MYT1L: variants seen among roughly 807,000 people sequenced by gnomAD.
The protein encoded by MYT1L is myelin transcription factor 1 like, also known as myelin transcription factor 1-like protein.
A neutral mutation model predicts 126.7 loss-of-function variants in MYT1L; 12 were observed. That is an observed-to-expected ratio of 0.09 (90% confidence interval 0.06 to 0.15). The LOEUF is 0.15. Ranked by LOEUF, MYT1L falls within the 10% of genes least tolerant of loss-of-function variation. The pLI, the probability that MYT1L is intolerant of heterozygous loss-of-function variation, is 1.00. For synonymous variants in MYT1L, 541 were observed against 604.2 expected, an observed-to-expected ratio of 0.90 and a Z score of 1.53; for missense variants, 979 against 1,585.2, an observed-to-expected ratio of 0.62 and a Z score of 6.49.
intron 2 of MYT1L, among the ~76,000 whole-genome samples, chr2:2,203,460 C>T (rs1313834511): frequency 2.0e-5 from 3 of 151,170 alleles, no homozygotes; most frequent in Admixed American, 6.6e-5. Context: ...CATTCCTCTA[C>T]ATCAATAAGA....
rs564339672 is a variant in MYT1L at position 2,224,760 on chromosome 2, A to G, written c.-420-51772T>C. Among the ~76,000 whole-genome samples the G allele has an allele frequency of 1.4e-4, 21 of 152,094 alleles. No individual in the cohort carries two copies. The South Asian group carries it at 2.3e-3, about 17-fold the overall frequency. ...CATGAACCCGGGAGGCGGAGCTTGC[A>G]GGGAGCTGAGATTGAGCCACTGCAC... On this transcript the variant is annotated intron_variant, in intron 2 of 24. Transcript: ENST00000647738. This position sits in a 1 kb window ranked among gnomAD's most constrained non-coding sequence, Gnocchi z 4.0.
chr2:2,221,729 T>G (rs1326951235), intron 2 of MYT1L, among the ~76,000 whole-genome samples: 1 of 152,184 alleles, frequency 6.6e-6, no homozygotes, highest in Non-Finnish European at 1.5e-5. Flanking sequence ...GCTCTAAACT[T>G]CAGTAAGGTC....
intron 3 of MYT1L, among the ~76,000 whole-genome samples, chr2:2,153,931 G>C (rs1331012210): frequency 6.6e-6 from 1 of 152,126 alleles, no homozygotes; most frequent in African/African-American, 2.4e-5. Context: ...TGCTGATGAG[G>C]CTGCTGGTGG....
At chr2:1,988,235 C>T (rs1197481530) in intron 5 of MYT1L, among the ~76,000 whole-genome samples, 1 of 152,192 alleles carries the variant, frequency 6.6e-6, no homozygotes, top group East Asian at 1.9e-4. Flanking sequence ...AGCCCAGCTG[C>T]ACCTCCGGGG....
At chr2:1,796,996 T>G (rs1238350191) in intron 23 of MYT1L, among the ~76,000 whole-genome samples, 1 of 152,178 alleles carries the variant, frequency 6.6e-6, no homozygotes, top group African/African-American at 2.4e-5. Flanking sequence ...GAGGGCAAGC[T>G]TTTCTTGTCT....
At chr2:2,111,601 GT>G (rs2079466966) in intron 3 of MYT1L, among the ~76,000 whole-genome samples, 1 of 152,248 alleles carries the variant, frequency 6.6e-6, no homozygotes, top group Admixed American at 6.5e-5. Flanking sequence ...GGAATTGTCT[GT>G]AGTGAATAGG....
At chr2:2,292,003 G>C (rs894846043) in intron 1 of MYT1L, among the ~76,000 whole-genome samples, 1 of 152,248 alleles carries the variant, frequency 6.6e-6, no homozygotes, top group African/African-American at 2.4e-5. Flanking sequence ...GCTGAGAGGA[G>C]CGGGTGGGGC....
intron 3 of MYT1L, among the ~76,000 whole-genome samples, chr2:2,106,205 T>C (rs901750378): frequency 1.4e-4 from 21 of 152,174 alleles, no homozygotes; most frequent in African/African-American, 4.8e-4. Flanking sequence ...TTTATAAAAA[T>C]AAAGATAATA....
At chr2:1,812,238 C>T (rs2036780282) in intron 21 of MYT1L, among the ~76,000 whole-genome samples, 1 of 152,186 alleles carries the variant, frequency 6.6e-6, no homozygotes, top group Non-Finnish European at 1.5e-5. Flanking sequence ...AGACGTGGAA[C>T]TGGCTAGGAA....
At chr2:1,906,135 G>A (rs1034596164) in intron 13 of MYT1L, among the ~76,000 whole-genome samples, 3 of 151,954 alleles carry the variant, frequency 2.0e-5, no homozygotes, top group African/African-American at 4.8e-5. Context: ...TTAAAAAATC[G>A]CCTACAGATC....
At position 2,271,491 on chromosome 2, in the gene MYT1L, G is replaced by A. The variant is rs184538556; in HGVS notation, c.-421+12913C>T. ...TCTTTAAATGCAGATCTGTCTGCACGTCTCCTAGAGGGAACAAACAGAGCC... is the reference window on the plus strand; with the variant it reads ...TCTTTAAATGCAGATCTGTCTGCACATCTCCTAGAGGGAACAAACAGAGCC... On this transcript the variant is annotated intron_variant, in intron 2 of 24. Transcript: ENST00000647738. Among the ~76,000 whole-genome samples the A allele has an allele frequency of 4.5e-4, 69 of 152,300 alleles. 1 individual carries two copies. The highest frequency in any genetic ancestry group is 3.9e-4 in the Admixed American group (6 of 15,304).
chr2:2,080,168 C>A (rs562481489), intron 3 of MYT1L, among the ~76,000 whole-genome samples: 1 of 152,002 alleles, frequency 6.6e-6, no homozygotes. Flanking sequence ...CAAACATGGA[C>A]GCAAAATGTA....
intron 4 of MYT1L, among the ~76,000 whole-genome samples, chr2:2,040,501 T>C (rs2067411106): frequency 6.6e-6 from 1 of 152,178 alleles, no homozygotes; most frequent in African/African-American, 2.4e-5. Flanking sequence ...GTTCCAGAAG[T>C]TCCCTCGTAG....
chr2:2,115,519 G>A (rs1050901228), intron 3 of MYT1L, among the ~76,000 whole-genome samples: 10 of 152,188 alleles, frequency 6.6e-5, no homozygotes, highest in East Asian at 1.9e-4. Flanking sequence ...ATTAGAAAGC[G>A]AAGTGACAAT....
intron 2 of MYT1L, among the ~76,000 whole-genome samples, chr2:2,182,520 T>C (rs2091648395): frequency 6.6e-6 from 1 of 151,186 alleles, no homozygotes; most frequent in African/African-American, 2.5e-5. Flanking sequence ...ACTCTTTCTC[T>C]CTCATTTTCA....
chr2:2,261,798 T>C (rs908899947), intron 2 of MYT1L, among the ~76,000 whole-genome samples: 1 of 152,164 alleles, frequency 6.6e-6, no homozygotes, highest in Non-Finnish European at 1.5e-5. Context: ...GTCAGGGAAT[T>C]TGTGCTTGTG....
intron 3 of MYT1L, among the ~76,000 whole-genome samples, chr2:2,088,570 C>T (rs974120973): frequency 3.3e-5 from 5 of 151,522 alleles, no homozygotes; most frequent in African/African-American, 7.3e-5. Flanking sequence ...CCTGTGGGAG[C>T]GGGGCCAGCT....
intron 18 of MYT1L, among the ~76,000 whole-genome samples, chr2:1,855,614 G>T (rs887362275): frequency 6.6e-6 from 1 of 152,206 alleles, no homozygotes; most frequent in Non-Finnish European, 1.5e-5. Flanking sequence ...GCTATTTTAA[G>T]TTCCTGTAGA....
chr2:2,232,608 C>T (rs1337778275), intron 2 of MYT1L, among the ~76,000 whole-genome samples: 1 of 152,206 alleles, frequency 6.6e-6, no homozygotes, highest in Non-Finnish European at 1.5e-5. Flanking sequence ...GGCACCGTCC[C>T]ATCCATATGA....
Sources: allele counts gnomAD v4.1 joint callset (sites outside exome capture counted in the v4.1 genomes callset), GRCh38; gene constraint gnomAD v4.1.1; non-coding constraint Gnocchi (gnomAD v3.1); transcripts MANE v1.5; gene names NCBI Gene and HGNC (gene_info 2026-07-23, HGNC 2026-07-21).